MAP6: variants seen among roughly 807,000 people sequenced by gnomAD.
MAP6 encodes the protein microtubule-associated protein 6.
Under a neutral mutation model 42.4 loss-of-function variants are expected in MAP6, and 26 were observed. That is an observed-to-expected ratio of 0.61 (90% CI 0.45 to 0.85). MAP6 has a LOEUF of 0.85. Ranked by LOEUF, MAP6 falls within the 40% of genes least tolerant of loss-of-function variation. MAP6 has a pLI of 0.00. For missense variants in MAP6, 966 were observed against 1,099.0 expected (o/e 0.88, Z 1.71); for synonymous variants, 418 against 443.8 (o/e 0.94, Z 0.73).
intron 1 of MAP6, among the ~76,000 whole-genome samples, chr11:75,665,383 T>C (rs916900241): frequency 2.6e-5 from 4 of 152,242 alleles, no homozygotes; most frequent in Non-Finnish European, 4.4e-5. Context: ...AAGCAAGTCC[T>C]GCCAACTTGA....
intron 1 of MAP6, among the ~76,000 whole-genome samples, chr11:75,647,980 GC>G (rs770717873): frequency 2.0e-5 from 3 of 151,964 alleles, no homozygotes; most frequent in Non-Finnish European, 4.4e-5. Context: ...AAAATACAGA[GC>G]CCAGAAACAG....
At position 75,668,146 on chromosome 11, in the gene MAP6, T is replaced by C; in HGVS notation, c.224A>G (p.Glu75Gly). 9.0e-7 allele frequency: 1 copy of C among 1,108,492 alleles called. No homozygotes were observed. The highest frequency in any genetic ancestry group is 3.8e-5 in the South Asian group (1 of 26,344). The allele number at this position is 1,108,492 out of a possible 1,614,324, so 68.7% of individuals were successfully genotyped here. The change falls in exon 1 of 4, where the codon GAG (glutamate) becomes GGG (glycine). Residue 75 changes from glutamate to glycine, a missense_variant. Physicochemically the swap from Glu to Gly is moderately conservative, Grantham distance 98. Transcript: ENST00000304771. ...VAIETQPAQGELDAVARATGP... is the reference protein window; with the variant it reads ...VAIETQPAQGGLDAVARATGP... The stretch of plus-strand genomic sequence containing the variant: ...CGTTGCCCGGGCAACTGCATCCAAC[T>C]CGCCCTGGGCTGGCTGCGTCTCTAT...
rs747481081 is a variant in MAP6 at position 75,668,375 on chromosome 11, T to C, written c.-6A>G. The C allele has an allele frequency of 1.9e-6, 3 of 1,567,414 alleles. No homozygotes were observed. Among genetic ancestry groups the C allele is most frequent in the Middle Eastern group, 3.4e-4 (2 of 5,942 alleles). ...GTGATGCACGGCCACGCCATGATGCTAGCTGAAAAGCCGGCCTCCTCTTTC... is the reference window on the plus strand; with the variant it reads ...GTGATGCACGGCCACGCCATGATGCCAGCTGAAAAGCCGGCCTCCTCTTTC... On this transcript the variant is annotated 5_prime_UTR_variant, in exon 1 of 4. Coordinates refer to ENST00000304771, the MANE Select transcript of MAP6 (RefSeq NM_033063.2).
At chr11:75,603,152 G>C (rs1942696550) in intron 3 of MAP6, 1 of 985,404 alleles carries the variant, frequency 1.0e-6, no homozygotes, top group African/African-American at 1.7e-5. Flanking sequence ...AGACAGGACA[G>C]ATTGCTGAGG....
chr11:75,608,392 CT>C (rs1446479916), intron 1 of MAP6, 70 bp from the exon 2 acceptor site: 2 of 1,252,770 alleles, frequency 1.6e-6, no homozygotes, highest in Non-Finnish European at 2.3e-6. Flanking sequence ...TGACACAGGG[CT>C]GCAAACACAG....
intron 1 of MAP6, among the ~76,000 whole-genome samples, chr11:75,641,039 G>A (rs1943460796): frequency 6.6e-6 from 1 of 152,132 alleles, no homozygotes; most frequent in Non-Finnish European, 1.5e-5. Flanking sequence ...GCACACGTAT[G>A]TTTATTGCAG....
chr11:75,588,338 C>A (rs1263005615), intron 3 of MAP6, among the ~76,000 whole-genome samples, 154 bp from the exon 4 acceptor site: 1 of 144,430 alleles, frequency 6.9e-6, no homozygotes, highest in Non-Finnish European at 1.5e-5. Context: ...GTTCTTAGTA[C>A]AGAATGTGGG....
Position 75,667,515 on chromosome 11 carries a change from G to A in MAP6, c.855C>T (p.Leu285=), listed in dbSNP as rs753679788. Reference sequence around the variant, plus strand: ...CCACCTCCTCGCGGATTTGCCGGTTGAGGGCGTCCGCCGCGGCGCGCCCCC... The same window carrying A: ...CCACCTCCTCGCGGATTTGCCGGTTAAGGGCGTCCGCCGCGGCGCGCCCCC... ...AGRGRAAADA[L]NRQIREEVAS... is the part of the protein sequence containing the mutation. The change falls in exon 1 of 4, where the codon CTC becomes CTT. Residue 285 remains leucine, a synonymous_variant. Coordinates refer to ENST00000304771, the MANE Select transcript of MAP6 (RefSeq NM_033063.2). This position sits in a 1 kb window ranked among gnomAD's most constrained non-coding sequence, Gnocchi z 5.6. 2.7e-6 allele frequency: 4 copies of A among 1,505,984 alleles called. No individual in the cohort carries two copies. Among genetic ancestry groups the A allele is most frequent in the Admixed American group, 4.2e-5 (2 of 47,848 alleles). 93.3% of individuals were successfully genotyped at this position (1,505,984 alleles called of 1,614,324 possible).
intron 1 of MAP6, among the ~76,000 whole-genome samples, chr11:75,613,108 G>A (rs1250696013): frequency 2.0e-5 from 3 of 152,210 alleles, no homozygotes; most frequent in African/African-American, 7.2e-5. Flanking sequence ...CACACCCTGT[G>A]CTGCCACCCA....
At chr11:75,658,141 A>G (rs1284119750) in intron 1 of MAP6, among the ~76,000 whole-genome samples, 4 of 152,206 alleles carry the variant, frequency 2.6e-5, no homozygotes, top group Non-Finnish European at 5.9e-5. Flanking sequence ...ACATTCTTAT[A>G]TAAGTCTTCT....
At chr11:75,616,983 G>T (rs1943005858) in intron 1 of MAP6, among the ~76,000 whole-genome samples, 1 of 152,150 alleles carries the variant, frequency 6.6e-6, no homozygotes, top group African/African-American at 2.4e-5. Context: ...AGAAAAGAAT[G>T]CTCCCTCTCT....
chr11:75,637,861 A>T (rs1590792499), intron 1 of MAP6, among the ~76,000 whole-genome samples: 1 of 112,996 alleles, frequency 8.8e-6, no homozygotes, highest in South Asian at 3.4e-4. Context: ...GGAAGGAAGG[A>T]GGGAGGGAAG....
chr11:75,607,962 G>T, intron 2 of MAP6, 147 bp downstream of exon 2: 1 of 701,528 alleles, frequency 1.4e-6, no homozygotes. Flanking sequence ...GATGGCCCTG[G>T]GTCTCAGTGT....
At chr11:75,642,053 T>C (rs554062847) in intron 1 of MAP6, among the ~76,000 whole-genome samples, 1 of 152,242 alleles carries the variant, frequency 6.6e-6, no homozygotes, top group South Asian at 2.1e-4. Context: ...AAAATTAAAG[T>C]AACAAAAGCT....
At chr11:75,645,579 A>G (rs1257793284) in intron 1 of MAP6, among the ~76,000 whole-genome samples, 2 of 152,204 alleles carry the variant, frequency 1.3e-5, no homozygotes, top group Non-Finnish European at 2.9e-5. Context: ...ACTTAAAACC[A>G]TATGAGGAAA....
intron 1 of MAP6, among the ~76,000 whole-genome samples, chr11:75,666,268 G>C (rs1014272869): frequency 1.9e-4 from 29 of 152,116 alleles, no homozygotes; most frequent in African/African-American, 6.5e-4. Context: ...AATTGATGTT[G>C]GTTGAAACAT....
rs1351065061 is a variant in MAP6 at position 75,667,712 on chromosome 11, C to T, written c.658G>A (p.Gly220Ser). ...CCGGCCGCCAGGCCACCCGCTCCGC[C>T]GGGGGCCGCCTCCTGCTCCCGGGCC... ...AEAREQEAAP[G>S]GAGGLAAGKA... Residue 220 changes from glycine (G) to serine (S), a missense_variant, in exon 1 of 4, where the codon GGC becomes AGC. Physicochemically the swap from Gly to Ser is moderately conservative, Grantham distance 56. This residue lies in a region of MAP6 where 943 missense variants were observed against 1,049.9 expected (regional missense o/e 0.90). Transcript: ENST00000304771. This position sits in a 1 kb window ranked among gnomAD's most constrained non-coding sequence, Gnocchi z 5.6. 2 of 1,285,928 alleles carry T rather than the reference C, an allele frequency of 1.6e-6. No homozygotes were observed. Among genetic ancestry groups the T allele is most frequent in the African/African-American group, 1.6e-5 (1 of 64,422 alleles). 79.7% of individuals were successfully genotyped at this position (1,285,928 alleles called of 1,614,324 possible).
chr11:75,628,278 G>T (rs572501476), intron 1 of MAP6, among the ~76,000 whole-genome samples: 1 of 152,322 alleles, frequency 6.6e-6, no homozygotes, highest in South Asian at 2.1e-4. Flanking sequence ...GATGCTGGGG[G>T]TGAGGAAGGA....
chr11:75,664,986 T>G (rs1943921244), intron 1 of MAP6, among the ~76,000 whole-genome samples: 1 of 152,190 alleles, frequency 6.6e-6, no homozygotes, highest in Non-Finnish European at 1.5e-5. Flanking sequence ...ATTCCCTTAA[T>G]ATTTCAAAAC....
Sources: allele counts gnomAD v4.1 joint callset (sites outside exome capture counted in the v4.1 genomes callset), GRCh38; gene constraint gnomAD v4.1.1; regional missense constraint gnomAD v4.1.1; non-coding constraint Gnocchi (gnomAD v3.1); transcripts MANE v1.5; gene names NCBI Gene and HGNC (gene_info 2026-07-23, HGNC 2026-07-21).